Variants in USP24 observed in about 807,000 individuals in gnomAD.
The protein encoded by USP24 is ubiquitin specific peptidase 24, also known as ubiquitin carboxyl-terminal hydrolase 24.
In USP24, 97 loss-of-function variants were observed where a neutral mutation model predicts 361.6. The observed-to-expected ratio is 0.27, with a 90% CI of 0.23 to 0.32. USP24 has a LOEUF of 0.32. Ranked by LOEUF, USP24 falls within the 10% of genes least tolerant of loss-of-function variation. The pLI, the probability that USP24 is intolerant of heterozygous loss-of-function variation, is 1.00. For synonymous variants in USP24, 1,098 were observed against 1,124.6 expected, an observed-to-expected ratio of 0.98 and a Z score of 0.47; for missense variants, 2,353 against 3,165.6, an observed-to-expected ratio of 0.74 and a Z score of 6.16.
rs959753460 is a variant in USP24, at chr1:55,179,313, T to A, written c.325-1181A>T. Reference sequence around the variant, plus strand: ...TTCTGGTACATCTTCATCTTCCTAGTCATCAAATACTTCAGTTCCTCAAAC... The same window carrying A: ...TTCTGGTACATCTTCATCTTCCTAGACATCAAATACTTCAGTTCCTCAAAC... On this transcript the variant is annotated intron_variant, in intron 1 of 67. Transcript: ENST00000294383. Among the ~76,000 whole-genome samples the A allele has an allele frequency of 3.3e-5, 5 of 152,164 alleles. No homozygotes were observed. The South Asian group carries it at 1.0e-3, about 32-fold the overall frequency.
chr1:55,081,309 A>AT lies in USP24; in HGVS notation c.7078+12dup, dbSNP rs756851695. ...ATTCAGTATCTCTTCATTCTAAGAT[A>AT]TGTTAAGCTTACCAACATTCCTTTG... On this transcript the variant is annotated intron_variant, in intron 59 of 67. Transcript: ENST00000294383. The AT allele has an allele frequency of 6.2e-7, 1 of 1,611,186 alleles. No individual in the cohort carries two copies. Among genetic ancestry groups the AT allele is most frequent in the Non-Finnish European group, 8.5e-7 (1 of 1,177,510 alleles).
In USP24 at chr1:55,144,172, A is replaced by G. The variant is rs1233076826; in HGVS notation, c.2394T>C (p.Asn798=). Residue 798 remains asparagine (N), a synonymous_variant, in exon 21 of 68, where the codon AAT becomes AAC. Transcript: ENST00000294383. Reference sequence around the variant, plus strand: ...TCAATCGATGATCACAAAGATTCACATTTTCAAAAAAAGTTTTAAATAAGT... The same window carrying G: ...TCAATCGATGATCACAAAGATTCACGTTTTCAAAAAAAGTTTTAAATAAGT... ...GFNLFKTFFE[N]VNLCDHRLKR... is the part of the protein sequence containing the mutation. The G allele has an allele frequency of 6.2e-7, 1 of 1,607,378 alleles. No homozygotes were observed. Among genetic ancestry groups the G allele is most frequent in the Non-Finnish European group, 8.5e-7 (1 of 1,177,324 alleles).
At chr1:55,071,426 C>G (rs997977522) in intron 67 of USP24, 2 of 1,008,008 alleles carry the variant, frequency 2.0e-6, no homozygotes, top group Middle Eastern at 1.0e-3. Context: ...AGCACGGGAG[C>G]TTTTCTTTCA....
chr1:55,162,266 T>C lies in USP24; in HGVS notation c.928-2A>G. ...GGGCTGAATCAGTGCTGAGACAGCC[T>C]GGAAAAAGACAGTGAAGATTAAAAA... On this transcript the variant is annotated splice_acceptor_variant, in intron 7 of 67. Coordinates refer to ENST00000294383, the MANE Select transcript of USP24 (RefSeq NM_015306.3). LOFTEE classifies it high-confidence loss of function. The C allele has an allele frequency of 1.3e-6, 2 of 1,561,752 alleles. No homozygotes were observed. The highest frequency in any genetic ancestry group is 2.4e-5 in the East Asian group (1 of 42,360).
At chr1:55,150,696 T>G (rs1647169463) in intron 16 of USP24, among the ~76,000 whole-genome samples, 1 of 152,154 alleles carries the variant, frequency 6.6e-6, no homozygotes, top group Admixed American at 6.5e-5. Context: ...ACAATAAAAT[T>G]CAAAGAAAAA....
intron 38 of USP24, among the ~76,000 whole-genome samples, chr1:55,110,862 C>A (rs1645929025): frequency 6.6e-6 from 1 of 152,090 alleles, no homozygotes; most frequent in African/African-American, 2.4e-5. Flanking sequence ...TCACTTTTAA[C>A]TTTTAGTTTT....
intron 1 of USP24, among the ~76,000 whole-genome samples, chr1:55,206,708 A>G (rs1039375148): frequency 3.3e-5 from 5 of 151,696 alleles, no homozygotes; most frequent in Non-Finnish European, 5.9e-5. Flanking sequence ...CCAGAGTAGT[A>G]ACAGTGAGGA....
At chr1:55,147,100 T>G in intron 18 of USP24, 40 bp from the exon 19 acceptor site, 1 of 1,497,564 alleles carries the variant, frequency 6.7e-7, no homozygotes, top group South Asian at 1.4e-5. Context: ...ACTCCAGGCA[T>G]TCATTCCTAA....
intron 35 of USP24, 54 bp downstream of exon 35, chr1:55,124,415 C>A: frequency 6.4e-7 from 1 of 1,552,548 alleles, no homozygotes; most frequent in East Asian, 2.3e-5. Context: ...ACACAGAATT[C>A]TTATGGTTAT....
chr1:55,157,782 C>T (rs1162315921), intron 10 of USP24, among the ~76,000 whole-genome samples: 1 of 147,130 alleles, frequency 6.8e-6, no homozygotes, highest in Non-Finnish European at 1.5e-5. Flanking sequence ...TGCAGTGGTC[C>T]AAGATTGTGC....
chr1:55,137,824 T>C lies in USP24; in HGVS notation c.3009A>G (p.Ile1003Met). The C allele has an allele frequency of 6.3e-7, 1 of 1,590,170 alleles. No homozygotes were observed. The highest frequency in any genetic ancestry group is 8.6e-7 in the Non-Finnish European group (1 of 1,166,736). ...AACCTACCAGGCTATCATTTGTAAA[T>C]ATCTGTATATTATCCACAGGAGAGC... ...QLCSPVDNIQ[I>M]FTNDSLLTVN... The change falls in exon 27 of 68, where the codon ATA (isoleucine) becomes ATG (methionine). Residue 1003 changes from isoleucine to methionine, a missense_variant. By Grantham distance (10) the Ile-to-Met change is conservative. This residue lies in a region of USP24 where 949 missense variants were observed against 1,280.5 expected (regional missense o/e 0.74). Coordinates refer to ENST00000294383, the MANE Select transcript of USP24 (RefSeq NM_015306.3).
intron 38 of USP24, 75 bp from the exon 39 acceptor site, chr1:55,110,321 A>G: frequency 8.1e-7 from 1 of 1,238,246 alleles, no homozygotes; most frequent in African/African-American, 1.5e-5. Flanking sequence ...TGTAAGAACA[A>G]ATTCATAAAA....
intron 24 of USP24, among the ~76,000 whole-genome samples, 199 bp from the exon 25 acceptor site, chr1:55,139,209 A>G (rs891290942): frequency 2.6e-5 from 4 of 152,174 alleles, no homozygotes; most frequent in African/African-American, 9.7e-5. Flanking sequence ...AGATGGAATA[A>G]GGGAGAAGCC....
At chr1:55,178,186 T>TA (rs1650182394) in intron 1 of USP24, 54 bp from the exon 2 acceptor site, 1 of 1,541,888 alleles carries the variant, frequency 6.5e-7, no homozygotes, top group Non-Finnish European at 8.8e-7. Context: ...GTGATTACTC[T>TA]AAAAATTTCC....
intron 1 of USP24, among the ~76,000 whole-genome samples, chr1:55,214,395 C>T (rs1644928966): frequency 6.6e-6 from 1 of 151,968 alleles, no homozygotes; most frequent in Non-Finnish European, 1.5e-5. Flanking sequence ...ACTAGTACCC[C>T]ATTTCCGACC....
chr1:55,154,882 C>A, intron 12 of USP24, 104 bp from the exon 13 acceptor site: 1 of 756,832 alleles, frequency 1.3e-6, no homozygotes, highest in Non-Finnish European at 2.2e-6. Context: ...ATAACAAAGA[C>A]AAATTGACTC....
chr1:55,070,117 C>T (rs994834917), intron 67 of USP24, among the ~76,000 whole-genome samples: 12 of 151,760 alleles, frequency 7.9e-5, no homozygotes, highest in East Asian at 3.9e-4. Context: ...GGGAGCTGTC[C>T]GGGATGACAT....
At chr1:55,131,364 A>G (rs1322771113) in intron 31 of USP24, among the ~76,000 whole-genome samples, 3 of 152,212 alleles carry the variant, frequency 2.0e-5, no homozygotes, top group Non-Finnish European at 4.4e-5. Context: ...TGCTGTTGTT[A>G]TAACTTAATA....
At position 55,156,941 on chromosome 1, in the gene USP24, A is replaced by C; in HGVS notation, c.1446+7T>G. 7.7e-4 allele frequency: 1,221 copies of C among 1,591,104 alleles called. No homozygotes were observed. The highest frequency in any genetic ancestry group is 9.6e-4 in the Non-Finnish European group (1,114 of 1,159,812). ...GCCAAAGGCAAAAATAATTCTGATC[A>C]ACCTACCTGTATCTTCCAAATTTTA... On this transcript the variant is annotated splice_region_variant and intron_variant, in intron 12 of 67. Transcript: ENST00000294383.
Sources: allele counts gnomAD v4.1 joint callset (sites outside exome capture counted in the v4.1 genomes callset), GRCh38; gene constraint gnomAD v4.1.1; regional missense constraint gnomAD v4.1.1; transcripts MANE v1.5; gene names NCBI Gene and HGNC (gene_info 2026-07-23, HGNC 2026-07-21).